The following PCDHGA12 variants were observed in gnomAD, a reference collection of about 807,000 sequenced individuals.
PCDHGA12 encodes the protein protocadherin gamma subfamily A, 12.
PCDHGA12 carries 43 observed loss-of-function variants against 61.1 expected under a neutral mutation model. The observed-to-expected ratio is 0.70, with a 90% CI of 0.55 to 0.91. The LOEUF (loss-of-function observed/expected upper bound fraction) is 0.91, where lower values mean the gene tolerates loss of function less well. Among genes scored for constraint, PCDHGA12 ranks in the 40% least tolerant of loss-of-function variants. PCDHGA12 has a pLI of 0.00. For synonymous variants in PCDHGA12, 520 were observed against 542.9 expected (o/e 0.96, Z 0.59); for missense variants, 1,236 against 1,227.7 (o/e 1.01, Z -0.10).
At chr5:141,451,561 C>T (rs1412657561) in intron 1 of PCDHGA12, among the ~76,000 whole-genome samples, 2 of 152,096 alleles carry the variant, frequency 1.3e-5, no homozygotes, top group Non-Finnish European at 2.9e-5. Flanking sequence ...ATGAAAGCCA[C>T]AATCTTTTTA....
intron 1 of PCDHGA12, among the ~76,000 whole-genome samples, chr5:141,449,007 T>A (rs937327801): frequency 3.3e-5 from 5 of 152,116 alleles, no homozygotes; most frequent in African/African-American, 1.2e-4. Context: ...CTGTTTTTTT[T>A]AACAGTTGCT....
intron 1 of PCDHGA12, among the ~76,000 whole-genome samples, chr5:141,451,542 G>A (rs1023356681): frequency 3.3e-5 from 5 of 152,148 alleles, no homozygotes; most frequent in Non-Finnish European, 7.3e-5. Context: ...GCCAGAGAGG[G>A]CAAATGTGAT....
intron 1 of PCDHGA12, among the ~76,000 whole-genome samples, chr5:141,488,563 C>T (rs1352750895): frequency 1.3e-5 from 2 of 152,134 alleles, no homozygotes; most frequent in Admixed American, 6.6e-5. Flanking sequence ...TTGAGATTTC[C>T]GCAAAGCATT....
intron 1 of PCDHGA12, among the ~76,000 whole-genome samples, chr5:141,469,103 C>G (rs949254605): frequency 6.6e-6 from 1 of 151,844 alleles, no homozygotes; most frequent in Non-Finnish European, 1.5e-5. Flanking sequence ...AAAGCAAGAA[C>G]CTGTCTCTAA....
Position 141,431,199 on chromosome 5 carries a change from C to T in PCDHGA12, c.440C>T (p.Ala147Val). 1 of 1,614,194 alleles carries T rather than the reference C, an allele frequency of 6.2e-7. No homozygotes were observed. Among genetic ancestry groups the T allele is most frequent in the East Asian group, 2.2e-5 (1 of 44,890 alleles). ...ELEIKISENA[A>V]TEMRFPLPHA... is the part of the protein sequence containing the mutation. ...GAAATAAAAATTAGTGAAAATGCAG[C>T]CACTGAGATGCGGTTCCCTCTACCC... The change falls in exon 1 of 4, where the codon GCC becomes GTC. Residue 147 changes from alanine to valine, a missense_variant. Transcript: ENST00000252085. This position sits in a 1 kb window ranked among gnomAD's most constrained non-coding sequence, Gnocchi z 4.8.
Position 141,512,574 on chromosome 5 carries a change from C to G in PCDHGA12, c.*1401C>G, listed in dbSNP as rs1429371202. 2 of 152,884 alleles carry G rather than the reference C, an allele frequency of 1.3e-5. No homozygotes were observed. Among genetic ancestry groups the G allele is most frequent in the South Asian group, 2.1e-4 (1 of 4,836 alleles). 9.5% of individuals were successfully genotyped at this position (152,884 alleles called of 1,614,324 possible). On this transcript the variant is annotated 3_prime_UTR_variant, in exon 4 of 4. Transcript: ENST00000252085. ...GTGCATAGACCTTCTTCTCCCACCC[C>G]CTTCTGCCCCTGGGTCCCCGGCCAT...
Position 141,491,880 on chromosome 5 carries a change from G to C in PCDHGA12, c.2425-2927G>C. ...GCGAAACCAGAGTGGCCGATTAAGG[G>C]ATGGGGCTCCGAGCACCGGGGGTGG... On this transcript the variant is annotated intron_variant, in intron 1 of 3. Transcript: ENST00000252085. This position sits in a 1 kb window ranked among gnomAD's most constrained non-coding sequence, Gnocchi z 6.9. 1 of 1,449,834 alleles carries C rather than the reference G, an allele frequency of 6.9e-7. No individual in the cohort carries two copies. 89.8% of individuals were successfully genotyped at this position (1,449,834 alleles called of 1,614,324 possible).
chr5:141,503,362 G>A (rs565902559), intron 2 of PCDHGA12, among the ~76,000 whole-genome samples: 32 of 152,054 alleles, frequency 2.1e-4, no homozygotes, highest in African/African-American at 6.5e-4. Context: ...TTTGGGAAGC[G>A]GAGGCAGGTG....
chr5:141,489,636 C>A lies in PCDHGA12; in HGVS notation c.2425-5171C>A, dbSNP rs753380268. 3.8e-5 allele frequency: 62 copies of A among 1,614,074 alleles called. No individual in the cohort carries two copies. The highest frequency in any genetic ancestry group is 5.1e-5 in the Non-Finnish European group (60 of 1,180,038). ...TGGATCTCAATGACAACTCTCCTAG[C>A]TTTGCCACCCCTGAGCGAGAGATGC... is the stretch of plus-strand genomic sequence containing the variant. On this transcript the variant is annotated intron_variant, in intron 1 of 3. Coordinates refer to ENST00000252085, the MANE Select transcript of PCDHGA12 (RefSeq NM_003735.3). The surrounding 1 kb of genome is among the most constrained non-coding windows in gnomAD (Gnocchi z 4.5).
chr5:141,470,738 C>T lies in PCDHGA12; in HGVS notation c.2425-24069C>T, dbSNP rs117476356. On this transcript the variant is annotated intron_variant, in intron 1 of 3. Transcript: ENST00000252085. ...TTTGAGTCAGGGTCTTGCTCTGTCG[C>T]CCTGGCTGGAGTGCAGTGGACTCAC... Among the ~76,000 whole-genome samples the T allele has an allele frequency of 1.9e-3, 295 of 152,226 alleles. 7 individuals carry two copies. In the East Asian group the frequency reaches 0.046, roughly 24 times the overall value.
chr5:141,432,395 G>C lies in PCDHGA12; in HGVS notation c.1636G>C (p.Val546Leu), dbSNP rs748660079. The C allele has an allele frequency of 1.2e-6, 2 of 1,614,242 alleles. No homozygotes were observed. The highest frequency in any genetic ancestry group is 4.5e-5 in the East Asian group (2 of 44,882). The change falls in exon 1 of 4, where the codon GTG becomes CTG. Residue 546 changes from valine to leucine, a missense_variant. Coordinates refer to ENST00000252085, the MANE Select transcript of PCDHGA12 (RefSeq NM_003735.3). The surrounding 1 kb of genome is among the most constrained non-coding windows in gnomAD (Gnocchi z 6.0). The stretch of plus-strand genomic sequence containing the variant: ...CGGGCACCCGCCCCTCAGCAGCAAC[G>C]TGTCGTTGAGCCTGTTCGTGCTGGA... Reference protein sequence around the residue: ...DNGHPPLSSNVSLSLFVLDQN... With the variant: ...DNGHPPLSSNLSLSLFVLDQN...
intron 1 of PCDHGA12, 155 bp downstream of exon 1, chr5:141,433,338 T>G (rs2097583623): frequency 3.1e-6 from 2 of 651,932 alleles, no homozygotes; most frequent in South Asian, 4.0e-5. Context: ...GGACTACAGG[T>G]GCAAGCCACC....
chr5:141,431,416 C>G lies in PCDHGA12; in HGVS notation c.657C>G (p.Asp219Glu), dbSNP rs778722151. 3 of 1,613,596 alleles carry G rather than the reference C, an allele frequency of 1.9e-6. No homozygotes were observed. The highest frequency in any genetic ancestry group is 2.7e-5 in the African/African-American group (2 of 74,954). Residue 219 changes from aspartate to glutamate, a missense_variant, in exon 1 of 4, where the codon GAC becomes GAG. Coordinates refer to ENST00000252085, the MANE Select transcript of PCDHGA12 (RefSeq NM_003735.3). The surrounding 1 kb of genome is among the most constrained non-coding windows in gnomAD (Gnocchi z 4.8). ...TCCTTACGGCCTCCGACGGGGGCGA[C>G]CCGGTGCGCACAGGCACCGCGCGCA... ...HLVLTASDGG[D>E]PVRTGTARIR... is the part of the protein sequence containing the mutation.
At chr5:141,478,788 T>A (rs576491824) in intron 1 of PCDHGA12, 147 of 1,473,736 alleles carry the variant, frequency 1.0e-4, no homozygotes, top group Non-Finnish European at 1.3e-4. Context: ...CTAATTCACA[T>A]CCTCAGCACT....
intron 1 of PCDHGA12, among the ~76,000 whole-genome samples, chr5:141,445,892 T>C (rs2154561169): frequency 6.6e-6 from 1 of 152,346 alleles, no homozygotes; most frequent in African/African-American, 2.4e-5. Context: ...TTAGGAGCTA[T>C]TAAAATATTT....
At chr5:141,446,493 T>C (rs1416449558) in intron 1 of PCDHGA12, among the ~76,000 whole-genome samples, 2 of 152,152 alleles carry the variant, frequency 1.3e-5, no homozygotes. Flanking sequence ...TTTTTTTTTT[T>C]TGAGATGGAG....
chr5:141,486,832 A>G lies in PCDHGA12; in HGVS notation c.2425-7975A>G. 2.5e-6 allele frequency: 4 copies of G among 1,614,182 alleles called. No individual in the cohort carries two copies. Among genetic ancestry groups the G allele is most frequent in the South Asian group, 1.1e-5 (1 of 91,082 alleles). ...TTAGCAGCACTGTAACAGTTCGTCT[A>G]TTTGTGCTGGACCTCAATGACAATG... On this transcript the variant is annotated intron_variant, in intron 1 of 3. Transcript: ENST00000252085. The surrounding 1 kb of genome is among the most constrained non-coding windows in gnomAD (Gnocchi z 5.0).
chr5:141,466,984 C>A (rs2099133455), intron 1 of PCDHGA12, among the ~76,000 whole-genome samples: 1 of 151,586 alleles, frequency 6.6e-6, no homozygotes, highest in Non-Finnish European at 1.5e-5. Context: ...CATCATTTAC[C>A]TTTTGGCATT....
chr5:141,469,881 G>A (rs922510082), intron 1 of PCDHGA12, among the ~76,000 whole-genome samples: 11 of 152,056 alleles, frequency 7.2e-5, no homozygotes, highest in Admixed American at 3.3e-4. Context: ...CTGTAATCTC[G>A]GCACTTTGGG....
Sources: gnomAD v4.1 joint callset for allele counts (sites outside exome capture counted in the v4.1 genomes callset) on GRCh38, gnomAD v4.1.1 for gene constraint, Gnocchi (gnomAD v3.1) non-coding constraint, MANE v1.5 for transcripts, NCBI Gene and HGNC (gene_info 2026-07-23, HGNC 2026-07-21) for gene names.